MAP2K4: variants seen among roughly 807,000 people sequenced by gnomAD.
The protein encoded by MAP2K4 is mitogen-activated protein kinase kinase 4.
In MAP2K4, 4 loss-of-function variants were observed where a neutral mutation model predicts 48.5. That is an observed-to-expected ratio of 0.08 (90% CI 0.04 to 0.19). The LOEUF is 0.19. Among genes scored for constraint, MAP2K4 ranks in the 10% least tolerant of loss-of-function variants. The pLI is 1.00. For missense variants in MAP2K4, 258 were observed against 493.3 expected (o/e 0.52, Z 4.52); for synonymous variants, 166 against 173.1 (o/e 0.96, Z 0.32).
chr17:12,033,922 T>G (rs564556502), intron 1 of MAP2K4, among the ~76,000 whole-genome samples: 1 of 152,256 alleles, frequency 6.6e-6, no homozygotes, highest in East Asian at 1.9e-4. Flanking sequence ...CCCAAGCAGC[T>G]GGGACTACAG....
intron 3 of MAP2K4, among the ~76,000 whole-genome samples, chr17:12,093,355 G>A (rs1316743030): frequency 2.6e-5 from 4 of 152,160 alleles, no homozygotes; most frequent in Non-Finnish European, 5.9e-5. Context: ...TCAGTGTTAG[G>A]TATCAGTAAG....
chr17:12,046,365 G>T (rs769457837), intron 1 of MAP2K4, among the ~76,000 whole-genome samples: 1 of 152,112 alleles, frequency 6.6e-6, no homozygotes, highest in South Asian at 2.1e-4. Context: ...TTTATATTTT[G>T]TTGGTGATTA....
chr17:12,108,986 T>C (rs975733574), intron 5 of MAP2K4, among the ~76,000 whole-genome samples: 72 of 152,184 alleles, frequency 4.7e-4, no homozygotes, highest in African/African-American at 1.7e-3. Flanking sequence ...GTAATAATTA[T>C]AATAATAGAA....
rs192245673 is a variant in MAP2K4, at chr17:12,127,427, A to G, written c.892-1712A>G. Among the ~76,000 whole-genome samples the G allele has an allele frequency of 4.9e-4, 74 of 152,354 alleles. 1 individual carries two copies. Among genetic ancestry groups the G allele is most frequent in the African/African-American group, 1.8e-3 (73 of 41,584 alleles). On this transcript the variant is annotated intron_variant, in intron 8 of 10. Coordinates refer to ENST00000353533, the MANE Select transcript of MAP2K4 (RefSeq NM_003010.4). ...AATACTTATCTATGACTAAACAATT[A>G]CGTTTTAAAAGCAAGTATGTACTTC...
chr17:12,058,692 A>G (rs921677056), intron 2 of MAP2K4, among the ~76,000 whole-genome samples: 1 of 152,188 alleles, frequency 6.6e-6, no homozygotes. Context: ...TTTTAACCAA[A>G]TCTCAGATGT....
chr17:12,028,653 C>G (rs1202083893), intron 1 of MAP2K4, among the ~76,000 whole-genome samples: 4 of 152,124 alleles, frequency 2.6e-5, no homozygotes, highest in Non-Finnish European at 5.9e-5. Flanking sequence ...ATGGGCATGA[C>G]CCAGTAAGGC....
chr17:12,079,623 A>C (rs1025208282), intron 2 of MAP2K4, among the ~76,000 whole-genome samples: 2 of 152,200 alleles, frequency 1.3e-5, no homozygotes, highest in African/African-American at 4.8e-5. Context: ...TCTGATTTAC[A>C]AGTAATTTTA....
At chr17:12,134,597 A>T (rs1044643944) in intron 9 of MAP2K4, among the ~76,000 whole-genome samples, 1 of 152,180 alleles carries the variant, frequency 6.6e-6, no homozygotes, top group African/African-American at 2.4e-5. Flanking sequence ...GTAGACAAAG[A>T]ATTAAAATTA....
chr17:12,092,156 A>G (rs1417458528), intron 3 of MAP2K4, among the ~76,000 whole-genome samples: 2 of 152,050 alleles, frequency 1.3e-5, no homozygotes, highest in East Asian at 1.9e-4. Flanking sequence ...ACTGCCAGGG[A>G]AAAAAAGGTT....
At chr17:12,106,471 G>A (rs202066401) in intron 4 of MAP2K4, among the ~76,000 whole-genome samples, 2 of 152,132 alleles carry the variant, frequency 1.3e-5, no homozygotes, top group Admixed American at 6.6e-5. Context: ...CATGGCAAAC[G>A]TTGATAGAAG....
chr17:12,061,845 T>A (rs1326867301), intron 2 of MAP2K4, among the ~76,000 whole-genome samples: 1 of 152,170 alleles, frequency 6.6e-6, no homozygotes, highest in Non-Finnish European at 1.5e-5. Flanking sequence ...TCTGGAAACT[T>A]TTATCTATTA....
At chr17:12,066,050 C>G (rs1970607263) in intron 2 of MAP2K4, among the ~76,000 whole-genome samples, 1 of 151,928 alleles carries the variant, frequency 6.6e-6, no homozygotes, top group African/African-American at 2.4e-5. Flanking sequence ...ATAGTGTACC[C>G]CTAAGTAGCT....
chr17:12,023,565 G>C (rs780027823), intron 1 of MAP2K4, among the ~76,000 whole-genome samples: 2 of 152,214 alleles, frequency 1.3e-5, no homozygotes, highest in African/African-American at 4.8e-5. Context: ...GCAGGATTCA[G>C]TTGTGGAACA....
rs532604526 is a variant in MAP2K4, at chr17:12,143,084, G to A, written c.*1824G>A. The A allele has an allele frequency of 1.1e-3, 250 of 232,842 alleles. No individual in the cohort carries two copies. Among genetic ancestry groups the A allele is most frequent in the Middle Eastern group, 2.6e-3 (2 of 784 alleles). The allele number at this position is 232,842 out of a possible 1,614,324, so 14.4% of individuals were successfully genotyped here. ...CTCATTTCCCTATCTTCTCCCCCAC[G>A]GTATCCTAAACTTTAGACTTCCCAC... is the stretch of plus-strand genomic sequence containing the variant. On this transcript the variant is annotated 3_prime_UTR_variant, in exon 11 of 11. Transcript: ENST00000353533.
chr17:12,107,567 A>C (rs952655948), intron 4 of MAP2K4, among the ~76,000 whole-genome samples: 1 of 151,790 alleles, frequency 6.6e-6, no homozygotes, highest in East Asian at 1.9e-4. Flanking sequence ...CCCTGTCCAT[A>C]CAATTAAAGA....
chr17:12,058,140 C>T (rs1389295721), intron 2 of MAP2K4, among the ~76,000 whole-genome samples: 3 of 151,782 alleles, frequency 2.0e-5, no homozygotes, highest in African/African-American at 4.8e-5. Flanking sequence ...CTGGTTCTCT[C>T]CAGATGTGTT....
intron 3 of MAP2K4, among the ~76,000 whole-genome samples, chr17:12,088,563 T>A (rs1321661469): frequency 3.8e-5 from 1 of 26,082 alleles, no homozygotes; most frequent in African/African-American, 4.5e-5. Flanking sequence ...ATATAATATA[T>A]ATTAAATATA....
chr17:12,065,300 G>GT (rs1191552074), intron 2 of MAP2K4, among the ~76,000 whole-genome samples: 341 of 73,518 alleles, frequency 4.6e-3, no homozygotes, highest in Non-Finnish European at 7.7e-3. Context: ...ATTGGTGTTT[G>GT]TTGTTTTTTT....
At chr17:12,113,187 T>G in intron 6 of MAP2K4, 46 bp from the exon 7 acceptor site, 1 of 1,581,904 alleles carries the variant, frequency 6.3e-7, no homozygotes, top group Non-Finnish European at 8.6e-7. Context: ...CTTATGTAAC[T>G]TAGGAAGAAG....
Sources: allele counts gnomAD v4.1 joint callset (sites outside exome capture counted in the v4.1 genomes callset), GRCh38; gene constraint gnomAD v4.1.1; transcripts MANE v1.5; gene names NCBI Gene and HGNC (gene_info 2026-07-23, HGNC 2026-07-21).